The following BCAS3 variants were observed in gnomAD, a reference collection of about 807,000 sequenced individuals.
BCAS3 encodes BCAS3 microtubule associated cell migration factor, also known as BCAS4/BCAS3 fusion.
A neutral mutation model predicts 116.1 loss-of-function variants in BCAS3; 53 were observed. The ratio of observed to expected loss-of-function variants is 0.46; its 90% CI spans 0.37 to 0.57. The LOEUF (loss-of-function observed/expected upper bound fraction) is 0.57, where lower values mean the gene tolerates loss of function less well. Ranked by LOEUF, BCAS3 falls within the 20% of genes least tolerant of loss-of-function variation. The probability of loss-of-function intolerance (pLI) is 0.00; values close to 1 mark genes in which losing one functional copy is unlikely to be tolerated. For synonymous variants in BCAS3, 391 were observed against 408.2 expected, an observed-to-expected ratio of 0.96 and a Z score of 0.51; for missense variants, 917 against 1,165.4, an observed-to-expected ratio of 0.79 and a Z score of 3.10.
chr17:60,966,573 CT>C (rs1293958579), intron 14 of BCAS3, among the ~76,000 whole-genome samples: 3 of 151,356 alleles, frequency 2.0e-5, no homozygotes, highest in Admixed American at 6.6e-5. Flanking sequence ...GAGACTACAA[CT>C]TATCTTAGAT....
At position 61,235,549 on chromosome 17, in the gene BCAS3, A is replaced by G. The variant is rs1347558922; in HGVS notation, c.2426-132778A>G. ...AGGTGACTACGTAGTACAGAAGTAC[A>G]GTGAAATATGAGATTCCTGAGCCTT... is the stretch of plus-strand genomic sequence containing the variant. On this transcript the variant is annotated intron_variant, in intron 22 of 23. Transcript: ENST00000407086. The surrounding 1 kb of genome is among the most constrained non-coding windows in gnomAD (Gnocchi z 5.0). 6.6e-6 allele frequency among the ~76,000 whole-genome samples: 1 copy of G among 152,232 alleles called. No individual in the cohort carries two copies. Among genetic ancestry groups the G allele is most frequent in the Non-Finnish European group, 1.5e-5 (1 of 68,032 alleles).
intron 14 of BCAS3, among the ~76,000 whole-genome samples, chr17:60,948,114 A>T (rs2060621809): frequency 6.6e-6 from 1 of 151,176 alleles, no homozygotes; most frequent in East Asian, 1.9e-4. Context: ...TATTTTTATT[A>T]TTTTTTTTGA....
chr17:61,042,733 C>T (rs1012893486), intron 19 of BCAS3, among the ~76,000 whole-genome samples: 22 of 149,372 alleles, frequency 1.5e-4, no homozygotes, highest in African/African-American at 2.5e-4. Context: ...ACTAAAAATA[C>T]GAAAAAATTA....
intron 22 of BCAS3, among the ~76,000 whole-genome samples, chr17:61,176,277 TG>T (rs2079139880): frequency 6.7e-6 from 1 of 149,390 alleles, no homozygotes; most frequent in Non-Finnish European, 1.5e-5. Context: ...ATATTATATA[TG>T]TATTTAATAT....
chr17:61,116,785 C>A (rs1453056964), intron 22 of BCAS3, among the ~76,000 whole-genome samples: 2 of 152,062 alleles, frequency 1.3e-5, no homozygotes, highest in African/African-American at 2.4e-5. Context: ...AGTTCTTTTC[C>A]TTTGTACTCA....
rs1261742734 is a variant in BCAS3, at chr17:61,114,303, G to C, written c.2425+29739G>C. ...AGGAAAAGAGGAAGTCAAATTGTCCGTGTTTGCAGATGACATGATTGTATA... is the reference window on the plus strand; with the variant it reads ...AGGAAAAGAGGAAGTCAAATTGTCCCTGTTTGCAGATGACATGATTGTATA... On this transcript the variant is annotated intron_variant, in intron 22 of 23. Coordinates refer to ENST00000407086, the MANE Select transcript of BCAS3 (RefSeq NM_017679.5). 8.5e-4 allele frequency among the ~76,000 whole-genome samples: 124 copies of C among 145,572 alleles called. No homozygotes were observed. The East Asian group carries it at 8.6e-3, about 10-fold the overall frequency.
chr17:60,766,735 C>G (rs754034847), intron 6 of BCAS3, among the ~76,000 whole-genome samples: 3 of 152,206 alleles, frequency 2.0e-5, no homozygotes, highest in Non-Finnish European at 4.4e-5. Context: ...TGAGAGCTGT[C>G]GGGCAGGGAC....
intron 22 of BCAS3, among the ~76,000 whole-genome samples, chr17:61,264,652 C>T (rs1442650441): frequency 6.6e-6 from 1 of 152,190 alleles, no homozygotes; most frequent in Non-Finnish European, 1.5e-5. Context: ...AGATGATCCA[C>T]CCACCTCGGC....
chr17:60,692,982 T>C (rs754515804), intron 4 of BCAS3, among the ~76,000 whole-genome samples: 49 of 151,784 alleles, frequency 3.2e-4, no homozygotes, highest in Non-Finnish European at 6.3e-4. Flanking sequence ...AAAAGAGACA[T>C]AACAGCCAAT....
intron 19 of BCAS3, among the ~76,000 whole-genome samples, chr17:61,061,616 A>G (rs2070046444): frequency 6.6e-6 from 1 of 152,240 alleles, no homozygotes; most frequent in East Asian, 1.9e-4. Flanking sequence ...ATCAATTTAC[A>G]GTAGGTTCCA....
rs1396308045 is a variant in BCAS3 at position 61,161,831 on chromosome 17, AAGT to A, written c.2425+77275_2425+77277del. Among the ~76,000 whole-genome samples the A allele has an allele frequency of 6.6e-5, 10 of 152,172 alleles. No homozygotes were observed. The highest frequency in any genetic ancestry group is 2.4e-4 in the African/African-American group (10 of 41,414). Reference sequence around the variant, plus strand: ...ATTTAACTCGTCGCTTGTTCTGGAAAAGTAGTAGTACTGCCTTCTCTGGCCTTT... The same window carrying A: ...ATTTAACTCGTCGCTTGTTCTGGAAAAGTAGTACTGCCTTCTCTGGCCTTT... On this transcript the variant is annotated intron_variant, in intron 22 of 23. Transcript: ENST00000407086. This position sits in a 1 kb window ranked among gnomAD's most constrained non-coding sequence, Gnocchi z 4.8.
chr17:60,767,932 C>G (rs531926167), intron 6 of BCAS3, among the ~76,000 whole-genome samples: 16 of 152,234 alleles, frequency 1.1e-4, no homozygotes, highest in Non-Finnish European at 2.2e-4. Context: ...TTCTGAGTAG[C>G]TGGAATGACA....
In BCAS3 at chr17:61,228,628, C is replaced by A. The variant is rs909158392; in HGVS notation, c.2426-139699C>A. Among the ~76,000 whole-genome samples, 1 of 152,166 alleles carries A rather than the reference C, an allele frequency of 6.6e-6. No individual in the cohort carries two copies. Among genetic ancestry groups the A allele is most frequent in the Non-Finnish European group, 1.5e-5 (1 of 68,034 alleles). Reference sequence around the variant, plus strand: ...TTTATCTGTGGTCAGTGATCTTTGACGTTACTATTGTAATCGTTTGGGGGC... The same window carrying A: ...TTTATCTGTGGTCAGTGATCTTTGAAGTTACTATTGTAATCGTTTGGGGGC... On this transcript the variant is annotated intron_variant, in intron 22 of 23. Transcript: ENST00000407086. The surrounding 1 kb of genome is among the most constrained non-coding windows in gnomAD (Gnocchi z 5.0).
intron 22 of BCAS3, among the ~76,000 whole-genome samples, chr17:61,212,088 T>A (rs1304455944): frequency 6.6e-6 from 1 of 152,236 alleles, no homozygotes; most frequent in African/African-American, 2.4e-5. Flanking sequence ...TTTTCTGTCA[T>A]TTGTAAAACA....
At chr17:61,046,057 T>TAA (rs1491189605) in intron 19 of BCAS3, among the ~76,000 whole-genome samples, 1 of 19,090 alleles carries the variant, frequency 5.2e-5, no homozygotes, top group African/African-American at 6.1e-4. Context: ...AATATATATA[T>TAA]TATATATATA....
intron 22 of BCAS3, among the ~76,000 whole-genome samples, chr17:61,111,180 TCTC>T (rs1282421734): frequency 2.6e-5 from 4 of 151,602 alleles, no homozygotes; most frequent in Non-Finnish European, 5.9e-5. Context: ...GCAGAGCGTC[TCTC>T]CTCCTCCAAA....
At chr17:61,159,836 T>C (rs2078061478) in intron 22 of BCAS3, among the ~76,000 whole-genome samples, 1 of 152,212 alleles carries the variant, frequency 6.6e-6, no homozygotes, top group Admixed American at 6.5e-5. Flanking sequence ...AAATCTACCA[T>C]AAGAACTTTC....
intron 12 of BCAS3, among the ~76,000 whole-genome samples, chr17:60,916,705 G>T (rs979619727): frequency 1.3e-5 from 2 of 151,932 alleles, no homozygotes; most frequent in Admixed American, 6.6e-5. Flanking sequence ...GACATAAATT[G>T]AACTTTATAA....
chr17:60,773,955 A>G (rs2045013932), intron 6 of BCAS3, among the ~76,000 whole-genome samples: 1 of 152,152 alleles, frequency 6.6e-6, no homozygotes, highest in South Asian at 2.1e-4. Context: ...CCTTACTGTT[A>G]TGTTCGTTGT....
Sources: allele counts gnomAD v4.1 joint callset (sites outside exome capture counted in the v4.1 genomes callset), GRCh38; gene constraint gnomAD v4.1.1; non-coding constraint Gnocchi (gnomAD v3.1); transcripts MANE v1.5; gene names NCBI Gene and HGNC (gene_info 2026-07-23, HGNC 2026-07-21).